Variants in LRRC8B observed in about 807,000 individuals in gnomAD.
LRRC8B encodes the protein leucine rich repeat containing 8 VRAC subunit B.
A neutral mutation model predicts 58.8 loss-of-function variants in LRRC8B; 23 were observed. The ratio of observed to expected loss-of-function variants is 0.39; its 90% CI spans 0.28 to 0.55. The LOEUF (loss-of-function observed/expected upper bound fraction) is 0.55. LRRC8B is among the 20% of genes least tolerant of loss of function. LRRC8B has a pLI of 0.62. For missense variants in LRRC8B, 694 were observed against 936.0 expected (o/e 0.74, Z 3.37); for synonymous variants, 359 against 374.1 (o/e 0.96, Z 0.47).
At chr1:89,559,943 C>T (rs1293277553) in intron 1 of LRRC8B, among the ~76,000 whole-genome samples, 2 of 152,222 alleles carry the variant, frequency 1.3e-5, no homozygotes, top group African/African-American at 4.8e-5. Flanking sequence ...AACTTTTAAA[C>T]CCCTTCTCAA....
At chr1:89,525,321 C>G (rs1301404757) in intron 1 of LRRC8B, among the ~76,000 whole-genome samples, 1 of 152,174 alleles carries the variant, frequency 6.6e-6, no homozygotes, top group Non-Finnish European at 1.5e-5. Flanking sequence ...AGACGGTCAC[C>G]TCTCTTTCCC....
intron 1 of LRRC8B, among the ~76,000 whole-genome samples, chr1:89,537,317 T>G (rs1026095403): frequency 3.9e-5 from 6 of 152,180 alleles, no homozygotes; most frequent in Non-Finnish European, 1.5e-5. Flanking sequence ...ATTTTGTGTA[T>G]GCATTGCTAT....
intron 1 of LRRC8B, chr1:89,558,633 C>T (rs1652369022): frequency 1.3e-5 from 2 of 152,102 alleles, no homozygotes; most frequent in South Asian, 2.1e-4. Flanking sequence ...TAGGTGCCTG[C>T]CTTAGTCTGT....
rs1258312424 is a variant in LRRC8B at position 89,597,244 on chromosome 1, C to A, written c.*4201C>A. On this transcript the variant is annotated 3_prime_UTR_variant, in exon 6 of 6. Transcript: ENST00000330947. ...TTCAGATTTTTTATATGAATAATTT[C>A]ATCAGCACTAAAGCATTAACATAGA... 6.6e-6 allele frequency: 1 copy of A among 152,180 alleles called. No individual in the cohort carries two copies. The highest frequency in any genetic ancestry group is 2.4e-5 in the African/African-American group (1 of 41,446). The allele number at this position is 152,180 out of a possible 1,614,324, so 9.4% of individuals were successfully genotyped here. A position where few individuals can be genotyped will look rare whatever the true frequency, so the allele number is the denominator to read the frequency against.
In LRRC8B at chr1:89,583,610, C is replaced by A; in HGVS notation, c.960C>A (p.Val320=). The A allele has an allele frequency of 1.9e-6, 3 of 1,612,086 alleles. No homozygotes were observed. Among genetic ancestry groups the A allele is most frequent in the Non-Finnish European group, 1.7e-6 (2 of 1,180,012 alleles). Residue 320 remains valine (V), a synonymous_variant, in exon 5 of 6, where the codon GTC becomes GTA. Coordinates refer to ENST00000330947, the MANE Select transcript of LRRC8B (RefSeq NM_001369817.2). The surrounding 1 kb of genome is among the most constrained non-coding windows in gnomAD (Gnocchi z 5.2). ...TTAAGGTCCTGGCTTCATTTTATGT[C>A]ATTTTGGTTATACTTTATGGTCTGA... ...EIFKVLASFY[V]ILVILYGLTS...
intron 1 of LRRC8B, among the ~76,000 whole-genome samples, chr1:89,560,053 T>C (rs945311424): frequency 6.6e-6 from 1 of 152,224 alleles, no homozygotes; most frequent in Non-Finnish European, 1.5e-5. Context: ...GTAGAGACTC[T>C]ATCAATCATT....
At chr1:89,542,281 C>G (rs1651059204) in intron 1 of LRRC8B, among the ~76,000 whole-genome samples, 1 of 152,212 alleles carries the variant, frequency 6.6e-6, no homozygotes, top group African/African-American at 2.4e-5. Flanking sequence ...CTATGAGTTT[C>G]AGAGTCTTCA....
chr1:89,539,429 A>G (rs1650785318), intron 1 of LRRC8B, among the ~76,000 whole-genome samples: 1 of 152,144 alleles, frequency 6.6e-6, no homozygotes, highest in Non-Finnish European at 1.5e-5. Flanking sequence ...CTTTTTCTTC[A>G]CTGATGATAG....
At chr1:89,530,786 G>A (rs753889724) in intron 1 of LRRC8B, among the ~76,000 whole-genome samples, 3 of 152,134 alleles carry the variant, frequency 2.0e-5, no homozygotes, top group African/African-American at 7.2e-5. Context: ...CGGTCCCTCC[G>A]TACCTTTCCA....
At chr1:89,569,907 A>G (rs913665225) in intron 3 of LRRC8B, among the ~76,000 whole-genome samples, 1 of 151,902 alleles carries the variant, frequency 6.6e-6, no homozygotes, top group East Asian at 1.9e-4. Context: ...GTTACCCTCT[A>G]TGTGTCCATG....
In LRRC8B at chr1:89,539,848, G is replaced by A. The variant is rs1650823046; in HGVS notation, c.-241+14826G>A. Among the ~76,000 whole-genome samples, 4 of 152,232 alleles carry A rather than the reference G, an allele frequency of 2.6e-5. No individual in the cohort carries two copies. The South Asian group carries it at 8.3e-4, about 32-fold the overall frequency. Reference sequence around the variant, plus strand: ...AATAAATCTGGATTACTAATAACTTGCAATATTTGCTCCTGGCCATTGGGG... The same window carrying A: ...AATAAATCTGGATTACTAATAACTTACAATATTTGCTCCTGGCCATTGGGG... On this transcript the variant is annotated intron_variant, in intron 1 of 5. Coordinates refer to ENST00000330947, the MANE Select transcript of LRRC8B (RefSeq NM_001369817.2).
intron 1 of LRRC8B, among the ~76,000 whole-genome samples, chr1:89,527,582 T>C (rs1183803404): frequency 6.6e-6 from 1 of 152,264 alleles, no homozygotes; most frequent in Admixed American, 6.5e-5. Context: ...AAATACCTTC[T>C]AATTTGTGTC....
Position 89,576,471 on chromosome 1 carries a change from C to A in LRRC8B, c.-124-3120C>A, listed in dbSNP as rs563393797. Among the ~76,000 whole-genome samples, 4 of 152,208 alleles carry A rather than the reference C, an allele frequency of 2.6e-5. No homozygotes were observed. In the South Asian group the frequency reaches 8.3e-4, roughly 32 times the overall value. On this transcript the variant is annotated intron_variant, in intron 3 of 5. Transcript: ENST00000330947. ...TGGGTTTACGTTTCTTTTAAAAGTG[C>A]CCCAAGAGGTTCTAAGGTGAAGCTG...
At chr1:89,558,063 G>A (rs537414325) in intron 1 of LRRC8B, among the ~76,000 whole-genome samples, 1 of 152,218 alleles carries the variant, frequency 6.6e-6, no homozygotes, top group South Asian at 2.1e-4. Context: ...ATCACAGCAG[G>A]GTTCCAAACT....
At chr1:89,541,571 C>T (rs1245338408) in intron 1 of LRRC8B, among the ~76,000 whole-genome samples, 2 of 150,540 alleles carry the variant, frequency 1.3e-5, no homozygotes, top group East Asian at 1.9e-4. Context: ...ATTAGCCGGG[C>T]GTAGTGGCGG....
At chr1:89,572,697 G>T (rs1481680377) in intron 3 of LRRC8B, 1 of 152,060 alleles carries the variant, frequency 6.6e-6, no homozygotes, top group African/African-American at 2.4e-5. Flanking sequence ...GTTGGGGGGT[G>T]GTCAGGAAAA....
chr1:89,584,199 C>T lies in LRRC8B; in HGVS notation c.1549C>T (p.Leu517Phe). The T allele has an allele frequency of 6.2e-7, 1 of 1,611,388 alleles. No homozygotes were observed. Residue 517 changes from leucine (L) to phenylalanine (F), a missense_variant, in exon 5 of 6, where the codon CTT becomes TTT. Physicochemically the swap from Leu to Phe is conservative, Grantham distance 22. Transcript: ENST00000330947. ...FHLKNLKELY[L>F]SGCVLPEQLS... ...CCTCAAGAATCTCAAGGAACTTTAT[C>T]TTTCGGGCTGTGTTCTCCCTGAACA...
intron 1 of LRRC8B, among the ~76,000 whole-genome samples, chr1:89,533,649 C>G (rs1423068637): frequency 6.6e-6 from 1 of 152,130 alleles, no homozygotes; most frequent in African/African-American, 2.4e-5. Flanking sequence ...AGTACCTAGG[C>G]TAGAGAACAG....
intron 1 of LRRC8B, chr1:89,558,856 T>G (rs1379392341): frequency 6.6e-6 from 1 of 152,154 alleles, no homozygotes; most frequent in Non-Finnish European, 1.5e-5. Context: ...ATCCCATCAT[T>G]GAGGGCAGAG....
Sources: allele counts gnomAD v4.1 joint callset (sites outside exome capture counted in the v4.1 genomes callset), GRCh38; gene constraint gnomAD v4.1.1; non-coding constraint Gnocchi (gnomAD v3.1); transcripts MANE v1.5; gene names NCBI Gene and HGNC (gene_info 2026-07-23, HGNC 2026-07-21).